CIRSR: variants seen among roughly 807,000 people sequenced by gnomAD.
The protein encoded by CIRSR is corepressor of RBPJ and splicing regulator, also known as CBF1 (RBPJ) interacting corepressor 1.
At chr2:174,355,158 A>G in the CIRSR span, among the ~76,000 whole-genome samples, 47 of 152,304 alleles carry the variant, frequency 3.1e-4, no homozygotes, top group Non-Finnish European at 2.9e-5. Flanking sequence ...ACTGACAGAA[A>G]TGACTCCAGA....
chr2:174,363,973 G>A, the CIRSR span, among the ~76,000 whole-genome samples: 1 of 152,036 alleles, frequency 6.6e-6, no homozygotes, highest in African/African-American at 2.4e-5. Flanking sequence ...GTCCCCCGAA[G>A]GCCTAACTCA....
chr2:174,395,510 G>A, the CIRSR span: 1 of 1,587,392 alleles, frequency 6.3e-7, no homozygotes, highest in South Asian at 1.1e-5. Context: ...TGGGAAGGCG[G>A]TCCCTGTGGG....
the CIRSR span, among the ~76,000 whole-genome samples, chr2:174,384,874 G>A: frequency 6.6e-6 from 1 of 151,894 alleles, no homozygotes; most frequent in East Asian, 1.9e-4. Context: ...AGATTTTTTT[G>A]ACATCCCATA....
the CIRSR span, chr2:174,395,709 C>G: frequency 1.2e-6 from 2 of 1,611,666 alleles, no homozygotes; most frequent in Admixed American, 3.3e-5. Flanking sequence ...GCGTTTCCAG[C>G]AGCAAGGGGG....
At chr2:174,351,546 TTAAG>T in the CIRSR span, 2 of 1,257,926 alleles carry the variant, frequency 1.6e-6, no homozygotes, top group African/African-American at 1.5e-5. Context: ...TTGGAAAACA[TTAAG>T]TAGCAATTCA....
the CIRSR span, among the ~76,000 whole-genome samples, chr2:174,383,496 G>T: frequency 2.0e-5 from 3 of 151,896 alleles, no homozygotes; most frequent in Non-Finnish European, 4.4e-5. Context: ...GAGGCGGGTG[G>T]ATCACCTCAG....
the CIRSR span, among the ~76,000 whole-genome samples, chr2:174,355,818 G>T: frequency 6.6e-6 from 1 of 152,302 alleles, no homozygotes; most frequent in South Asian, 2.1e-4. Flanking sequence ...CTGGCTATGA[G>T]GAAATGGCAT....
the CIRSR span, among the ~76,000 whole-genome samples, chr2:174,356,804 TTGTG>T: frequency 1.3e-5 from 2 of 152,206 alleles, no homozygotes; most frequent in South Asian, 2.1e-4. Flanking sequence ...TCCCTTCTCA[TTGTG>T]TGTGTGTTTT....
the CIRSR span, chr2:174,380,202 CT>C: frequency 6.3e-7 from 1 of 1,589,306 alleles, no homozygotes; most frequent in South Asian, 1.2e-5. Context: ...TGTCACTTGC[CT>C]GAATACCAAA....
the CIRSR span, among the ~76,000 whole-genome samples, chr2:174,365,463 T>C: frequency 1.3e-5 from 2 of 152,224 alleles, no homozygotes; most frequent in African/African-American, 4.8e-5. Context: ...CACCTCACTC[T>C]ATTGGTACCA....
the CIRSR span, among the ~76,000 whole-genome samples, chr2:174,390,694 C>T: frequency 1.3e-5 from 2 of 151,672 alleles, no homozygotes; most frequent in South Asian, 4.2e-4. Flanking sequence ...CCCCGCGTAT[C>T]GTGGGAGGAA....
At chr2:174,348,432 A>G in the CIRSR span, 4 of 1,526,138 alleles carry the variant, frequency 2.6e-6, no homozygotes, top group Non-Finnish European at 3.5e-6. Context: ...GTATTCAATA[A>G]AAAAGTGGAG....
the CIRSR span, chr2:174,358,132 A>G: frequency 1.3e-5 from 2 of 152,262 alleles, no homozygotes; most frequent in African/African-American, 2.4e-5. Context: ...ATGTGTCTGG[A>G]AAGTACACAA....
chr2:174,363,641 G>A, the CIRSR span, among the ~76,000 whole-genome samples: 1 of 152,190 alleles, frequency 6.6e-6, no homozygotes, highest in Non-Finnish European at 1.5e-5. Context: ...CGTGGCTGGG[G>A]AAGCCTCACA....
chr2:174,353,706 T>C, the CIRSR span, among the ~76,000 whole-genome samples: 1 of 152,298 alleles, frequency 6.6e-6, no homozygotes, highest in African/African-American at 2.4e-5. Context: ...GACCTCGTGA[T>C]CTGCCAGCCT....
the CIRSR span, among the ~76,000 whole-genome samples, chr2:174,394,879 T>G: frequency 6.6e-6 from 1 of 152,222 alleles, no homozygotes; most frequent in Admixed American, 6.5e-5. Flanking sequence ...TTTCACTTAA[T>G]CCTCACAATT....
the CIRSR span, among the ~76,000 whole-genome samples, chr2:174,365,705 G>A: frequency 2.5e-4 from 38 of 152,268 alleles, no homozygotes; most frequent in Admixed American, 8.5e-4. Flanking sequence ...CTCATGAGAC[G>A]TATTCACTGT....
the CIRSR span, among the ~76,000 whole-genome samples, chr2:174,350,899 T>C: frequency 6.6e-6 from 1 of 152,300 alleles, no homozygotes; most frequent in African/African-American, 2.4e-5. Context: ...ATTAAAAAAT[T>C]TTTTTGTAGT....
chr2:174,383,039 T>C, the CIRSR span, among the ~76,000 whole-genome samples: 1 of 152,214 alleles, frequency 6.6e-6, no homozygotes, highest in Non-Finnish European at 1.5e-5. Flanking sequence ...TATATGTAGA[T>C]ATAAATAGAG....
Sources: allele counts gnomAD v4.1 joint callset (sites outside exome capture counted in the v4.1 genomes callset), GRCh38; gene constraint gnomAD v4.1.1; transcripts MANE v1.5; gene names NCBI Gene and HGNC (gene_info 2026-07-23, HGNC 2026-07-21).